Variants in IFT56 observed in about 807,000 individuals in gnomAD.
IFT56 encodes intraflagellar transport protein 56.
chr7:139,163,535 A>T, the IFT56 span, among the ~76,000 whole-genome samples: 1 of 152,128 alleles, frequency 6.6e-6, no homozygotes, highest in African/African-American at 2.4e-5. Flanking sequence ...CAATGTTTTG[A>T]GAGGTTAAGG....
chr7:139,150,921 C>T, the IFT56 span, among the ~76,000 whole-genome samples: 6 of 152,220 alleles, frequency 3.9e-5, no homozygotes, highest in Admixed American at 1.3e-4. Context: ...GCAATACACA[C>T]ACACAAAATG....
the IFT56 span, among the ~76,000 whole-genome samples, chr7:139,143,579 C>T: frequency 6.6e-6 from 1 of 151,880 alleles, no homozygotes; most frequent in African/African-American, 2.4e-5. Context: ...TAAGGTGACT[C>T]TTATAAACAG....
the IFT56 span, among the ~76,000 whole-genome samples, chr7:139,146,672 C>CTGG: frequency 6.7e-6 from 1 of 149,702 alleles, no homozygotes; most frequent in African/African-American, 2.5e-5. Context: ...GAGGCTGAGG[C>CTGG]TGGAGAATTG....
chr7:139,186,182 C>T, the IFT56 span, among the ~76,000 whole-genome samples: 6 of 152,320 alleles, frequency 3.9e-5, no homozygotes, highest in Middle Eastern at 3.4e-3. Flanking sequence ...AATCCCTGCA[C>T]TTTAGGAAAC....
chr7:139,189,221 C>T, the IFT56 span: 9 of 777,440 alleles, frequency 1.2e-5, no homozygotes, highest in African/African-American at 1.8e-5. Flanking sequence ...CCAAAAATGC[C>T]CTACAAGACA....
chr7:139,187,427 G>T, the IFT56 span: 1 of 1,613,928 alleles, frequency 6.2e-7, no homozygotes, highest in Non-Finnish European at 8.5e-7. Context: ...TTACTATTCT[G>T]CCAAAGCTTT....
At chr7:139,162,940 CAG>C in the IFT56 span, among the ~76,000 whole-genome samples, 1 of 148,238 alleles carries the variant, frequency 6.7e-6, no homozygotes, top group East Asian at 2.0e-4. Context: ...GCCTGGGCGA[CAG>C]AGGGAGACTC....
chr7:139,171,906 T>C, the IFT56 span, among the ~76,000 whole-genome samples: 1 of 152,200 alleles, frequency 6.6e-6, no homozygotes, highest in Non-Finnish European at 1.5e-5. Flanking sequence ...AAAGTATAGC[T>C]GTAAAATCTC....
chr7:139,144,453 T>C, the IFT56 span, among the ~76,000 whole-genome samples: 4 of 152,108 alleles, frequency 2.6e-5, no homozygotes, highest in African/African-American at 9.6e-5. Context: ...TTCCCAGATA[T>C]GGTTTTCTTT....
the IFT56 span, chr7:139,190,419 G>A: frequency 9.2e-5 from 14 of 152,244 alleles, no homozygotes; most frequent in African/African-American, 3.4e-4. Context: ...CTAATTTTTT[G>A]TATTTTTAGT....
the IFT56 span, among the ~76,000 whole-genome samples, chr7:139,176,603 G>A: frequency 6.6e-6 from 1 of 152,208 alleles, no homozygotes; most frequent in African/African-American, 2.4e-5. Flanking sequence ...ATGCTAGTTA[G>A]CCAGCATGAA....
chr7:139,156,321 CTGTT>C, the IFT56 span, among the ~76,000 whole-genome samples: 2 of 151,626 alleles, frequency 1.3e-5, no homozygotes, highest in Non-Finnish European at 2.9e-5. Flanking sequence ...ATTCTCTTGT[CTGTT>C]TAATTGATTT....
At chr7:139,169,138 A>G in the IFT56 span, 1 of 622,496 alleles carries the variant, frequency 1.6e-6, no homozygotes, top group Non-Finnish European at 2.7e-6. Context: ...TTTCGGGTCT[A>G]GTTGTTATGT....
the IFT56 span, chr7:139,178,362 A>G: frequency 1.3e-6 from 2 of 1,504,152 alleles, no homozygotes. Context: ...GTGTCAGAGA[A>G]GATAAGATAC....
At chr7:139,151,304 G>A in the IFT56 span, among the ~76,000 whole-genome samples, 1 of 152,024 alleles carries the variant, frequency 6.6e-6, no homozygotes, top group African/African-American at 2.4e-5. Context: ...TCTCATAAAG[G>A]GTATGGCAGA....
the IFT56 span, chr7:139,181,017 A>C: frequency 1.1e-6 from 1 of 913,174 alleles, no homozygotes; most frequent in Non-Finnish European, 1.7e-6. Context: ...AATCCATAGA[A>C]TAATAAGGTG....
the IFT56 span, chr7:139,161,161 A>G: frequency 3.0e-6 from 2 of 659,440 alleles, no homozygotes; most frequent in East Asian, 2.8e-5. Flanking sequence ...ACTGTGGAGG[A>G]GATAAGTTTT....
the IFT56 span, chr7:139,189,298 G>A: frequency 6.6e-7 from 1 of 1,504,308 alleles, no homozygotes; most frequent in Non-Finnish European, 9.1e-7. Context: ...GAAACACTTT[G>A]TCTTTTCAAA....
At chr7:139,189,390 G>C in the IFT56 span, 1 of 1,613,310 alleles carries the variant, frequency 6.2e-7, no homozygotes, top group East Asian at 2.2e-5. Context: ...ACATGATCCG[G>C]ATCATGAAGA....
Sources: gnomAD v4.1 joint callset for allele counts (sites outside exome capture counted in the v4.1 genomes callset) on GRCh38, gnomAD v4.1.1 for gene constraint, MANE v1.5 for transcripts, NCBI Gene and HGNC (gene_info 2026-07-23, HGNC 2026-07-21) for gene names.